The following INTS2 variants were observed in gnomAD, a reference collection of about 807,000 sequenced individuals.
The protein encoded by INTS2 is KIAA1287.
INTS2 carries 57 observed loss-of-function variants against 139.6 expected under a neutral mutation model. The observed-to-expected ratio is 0.41, with a 90% CI of 0.33 to 0.51. INTS2 has a LOEUF of 0.51. Among genes scored for constraint, INTS2 ranks in the 20% least tolerant of loss-of-function variants. INTS2 has a pLI of 0.28. For missense variants in INTS2, 1,196 were observed against 1,436.7 expected, an observed-to-expected ratio of 0.83 and a Z score of 2.71; for synonymous variants, 473 against 493.4, an observed-to-expected ratio of 0.96 and a Z score of 0.55.
chr17:61,917,959 T>C (rs984477101), intron 5 of INTS2, among the ~76,000 whole-genome samples: 1 of 152,142 alleles, frequency 6.6e-6, no homozygotes, highest in Non-Finnish European at 1.5e-5. Flanking sequence ...CAATTCATCA[T>C]AAAGATATAA....
Position 61,875,113 on chromosome 17 carries a change from C to A in INTS2, c.2457-75G>T. The stretch of plus-strand genomic sequence containing the variant: ...TCTGTAGCCATCCAGTCCTTTCTAT[C>A]TTAGAAAGTTATATTCAGTAAATAA... On this transcript the variant is annotated intron_variant, in intron 18 of 24. Transcript: ENST00000251334. The surrounding 1 kb of genome is among the most constrained non-coding windows in gnomAD (Gnocchi z 4.6). 9.2e-7 allele frequency: 1 copy of A among 1,087,174 alleles called. No homozygotes were observed. Among genetic ancestry groups the A allele is most frequent in the South Asian group, 2.4e-5 (1 of 41,472 alleles). The allele number at this position is 1,087,174 out of a possible 1,614,324, so 67.3% of individuals were successfully genotyped here.
At chr17:61,926,102 C>G (rs191965958) in intron 2 of INTS2, among the ~76,000 whole-genome samples, 6 of 152,240 alleles carry the variant, frequency 3.9e-5, no homozygotes, top group Admixed American at 3.9e-4. Context: ...CTACCTACTT[C>G]CCACTGAAAG....
chr17:61,907,838 G>A (rs769826103), intron 7 of INTS2, among the ~76,000 whole-genome samples: 33 of 152,156 alleles, frequency 2.2e-4, no homozygotes, highest in Non-Finnish European at 4.7e-4. Flanking sequence ...CCATAATTTG[G>A]ATTGGTTGCA....
At chr17:61,891,313 A>G (rs2079291055) in intron 14 of INTS2, among the ~76,000 whole-genome samples, 200 bp downstream of exon 14, 1 of 148,512 alleles carries the variant, frequency 6.7e-6, no homozygotes, top group African/African-American at 2.5e-5. Flanking sequence ...ACTCCATCTC[A>G]AAAAAAAAAG....
chr17:61,869,427 A>G lies in INTS2; in HGVS notation c.3031-47T>C. The stretch of plus-strand genomic sequence containing the variant: ...AAAAAGTCAGAAATAAAATAACTAT[A>G]AAAGTACAGATAAAAATACAAATGA... On this transcript the variant is annotated intron_variant, in intron 21 of 24. Coordinates refer to ENST00000251334, the MANE Select transcript of INTS2 (RefSeq NM_001351695.2). This position sits in a 1 kb window ranked among gnomAD's most constrained non-coding sequence, Gnocchi z 5.4. The G allele has an allele frequency of 1.6e-6, 2 of 1,245,736 alleles. No individual in the cohort carries two copies. The highest frequency in any genetic ancestry group is 2.3e-6 in the Non-Finnish European group (2 of 876,792). The allele number at this position is 1,245,736 out of a possible 1,614,324, so 77.2% of individuals were successfully genotyped here.
At chr17:61,915,194 C>A (rs528599136) in intron 5 of INTS2, among the ~76,000 whole-genome samples, 1 of 151,630 alleles carries the variant, frequency 6.6e-6, no homozygotes, top group South Asian at 2.1e-4. Context: ...AAAAATTAGC[C>A]GGGCATGGTG....
chr17:61,905,730 T>C (rs2079455948), intron 8 of INTS2, among the ~76,000 whole-genome samples: 2 of 152,128 alleles, frequency 1.3e-5, no homozygotes, highest in Non-Finnish European at 2.9e-5. Flanking sequence ...GGAGTTTCAC[T>C]CTTATTGCCC....
At chr17:61,915,135 A>C (rs1393659416) in intron 5 of INTS2, among the ~76,000 whole-genome samples, 5 of 151,842 alleles carry the variant, frequency 3.3e-5, no homozygotes, top group Middle Eastern at 3.4e-3. Flanking sequence ...TCAGGAGATC[A>C]AGACCATCCT....
chr17:61,919,381 A>G lies in INTS2; in HGVS notation c.649+19T>C, dbSNP rs575155648. On this transcript the variant is annotated intron_variant, in intron 5 of 24. Coordinates refer to ENST00000251334, the MANE Select transcript of INTS2 (RefSeq NM_001351695.2). The stretch of plus-strand genomic sequence containing the variant: ...TCCAAGCAAGTCTTTTCAATATACC[A>G]TATTAGAATCATATTTACCTTCATT... 3 of 1,246,730 alleles carry G rather than the reference A, an allele frequency of 2.4e-6. No homozygotes were observed. Among genetic ancestry groups the G allele is most frequent in the East Asian group, 4.9e-5 (2 of 40,988 alleles). The allele number at this position is 1,246,730 out of a possible 1,614,324, so 77.2% of individuals were successfully genotyped here. A position where few individuals can be genotyped will look rare whatever the true frequency, so the allele number is the denominator to read the frequency against.
chr17:61,867,410 T>C lies in INTS2; in HGVS notation c.*147A>G. The C allele has an allele frequency of 2.0e-6, 1 of 487,898 alleles. No individual in the cohort carries two copies. Among genetic ancestry groups the C allele is most frequent in the Non-Finnish European group, 3.6e-6 (1 of 279,500 alleles). 30.2% of individuals were successfully genotyped at this position (487,898 alleles called of 1,614,324 possible). A position where few individuals can be genotyped will look rare whatever the true frequency, so the allele number is the denominator to read the frequency against. On this transcript the variant is annotated 3_prime_UTR_variant, in exon 25 of 25. Coordinates refer to ENST00000251334, the MANE Select transcript of INTS2 (RefSeq NM_001351695.2). This position sits in a 1 kb window ranked among gnomAD's most constrained non-coding sequence, Gnocchi z 5.6. ...CAAGCAAGCATAATTCTCATAAAGTTCTAAACTATACTCATGTTGAATTGA... is the reference window on the plus strand; with the variant it reads ...CAAGCAAGCATAATTCTCATAAAGTCCTAAACTATACTCATGTTGAATTGA...
At chr17:61,918,456 G>A (rs2079605223) in intron 5 of INTS2, among the ~76,000 whole-genome samples, 1 of 152,070 alleles carries the variant, frequency 6.6e-6, no homozygotes, top group Non-Finnish European at 1.5e-5. Context: ...TGGCCAGGCT[G>A]GTCTCAAACT....
At chr17:61,879,582 GGT>G (rs1422998753) in intron 17 of INTS2, among the ~76,000 whole-genome samples, 1 of 152,180 alleles carries the variant, frequency 6.6e-6, no homozygotes, top group East Asian at 1.9e-4. Context: ...CAGGCACGGT[GGT>G]TCATGCTTGT....
rs1055331489 is a variant in INTS2 at position 61,868,492 on chromosome 17, C to G, written c.3245-483G>C. On this transcript the variant is annotated intron_variant, in intron 23 of 24. Transcript: ENST00000251334. This position sits in a 1 kb window ranked among gnomAD's most constrained non-coding sequence, Gnocchi z 4.7. ...ATAATGAGAAAGAATACTAAGTTAA[C>G]TATGCCATTACATTAAGGGTTGCAT... 2.0e-5 allele frequency among the ~76,000 whole-genome samples: 3 copies of G among 152,058 alleles called. No homozygotes were observed. The highest frequency in any genetic ancestry group is 7.2e-5 in the African/African-American group (3 of 41,414).
At chr17:61,888,799 C>T (rs962948999) in intron 15 of INTS2, among the ~76,000 whole-genome samples, 3 of 151,996 alleles carry the variant, frequency 2.0e-5, no homozygotes, top group South Asian at 2.1e-4. Flanking sequence ...CCGAGGCAGG[C>T]GGATCACGAG....
Position 61,907,449 on chromosome 17 carries a change from G to A in INTS2, c.1140C>T (p.Leu380=). Residue 380 remains leucine, a synonymous_variant, in exon 8 of 25, where the codon CTC becomes CTT. Transcript: ENST00000251334. ...KEEHVVKASA[L]LRLYCALMGI... is the part of the protein sequence containing the mutation. The stretch of plus-strand genomic sequence containing the variant: ...CCATCAAAGCACAGTACAGACGTAA[G>A]AGTGCACTGGCTTTCACAACATGCT... 1 of 1,599,864 alleles carries A rather than the reference G, an allele frequency of 6.3e-7. No homozygotes were observed. The highest frequency in any genetic ancestry group is 8.5e-7 in the Non-Finnish European group (1 of 1,173,358).
chr17:61,906,516 T>A (rs1033421260), intron 8 of INTS2, among the ~76,000 whole-genome samples: 1 of 152,180 alleles, frequency 6.6e-6, no homozygotes, highest in Non-Finnish European at 1.5e-5. Context: ...ACAAACTCTA[T>A]ACAATTAACT....
At chr17:61,900,535 G>A (rs2079393978) in intron 9 of INTS2, among the ~76,000 whole-genome samples, 1 of 152,076 alleles carries the variant, frequency 6.6e-6, no homozygotes, top group Non-Finnish European at 1.5e-5. Flanking sequence ...TTTGTTTATG[G>A]GTTTCTGTAT....
intron 5 of INTS2, among the ~76,000 whole-genome samples, chr17:61,915,156 G>A (rs1485253501): frequency 6.6e-6 from 1 of 151,794 alleles, no homozygotes; most frequent in Non-Finnish European, 1.5e-5. Context: ...GGTTAACACA[G>A]TGAAACCCCG....
intron 11 of INTS2, among the ~76,000 whole-genome samples, chr17:61,895,588 C>T (rs1216079054): frequency 1.6e-4 from 24 of 152,036 alleles, no homozygotes; most frequent in Admixed American, 1.6e-3. Context: ...TTAATAAATA[C>T]TATTATTGGC....
Sources: allele counts gnomAD v4.1 joint callset (sites outside exome capture counted in the v4.1 genomes callset), GRCh38; gene constraint gnomAD v4.1.1; non-coding constraint Gnocchi (gnomAD v3.1); transcripts MANE v1.5; gene names NCBI Gene and HGNC (gene_info 2026-07-23, HGNC 2026-07-21).